Variants in CAMTA1 observed in about 807,000 individuals in gnomAD.
CAMTA1 encodes the protein calmodulin-binding transcription activator 1.
CAMTA1 carries 27 observed loss-of-function variants against 170.9 expected under a neutral mutation model. The observed-to-expected ratio is 0.16, with a 90% confidence interval of 0.12 to 0.22. The LOEUF is 0.22. CAMTA1 is among the 10% of genes least tolerant of loss of function. CAMTA1 has a pLI of 1.00. For synonymous variants in CAMTA1, 833 were observed against 891.5 expected (o/e 0.93, Z 1.17); for missense variants, 1,619 against 2,217.2 (o/e 0.73, Z 5.42).
At chr1:6,812,264 C>G (rs1259955536) in intron 1 of CAMTA1, among the ~76,000 whole-genome samples, 2 of 152,204 alleles carry the variant, frequency 1.3e-5, no homozygotes, top group South Asian at 2.1e-4. Flanking sequence ...GGTTCTAATT[C>G]TGCCCCGTCC....
chr1:7,081,048 G>A (rs1191259828), intron 3 of CAMTA1, among the ~76,000 whole-genome samples: 2 of 152,242 alleles, frequency 1.3e-5, no homozygotes, highest in African/African-American at 4.8e-5. Flanking sequence ...CAAGCTGCCT[G>A]CCAAAGGGCC....
chr1:6,939,928 ATGCTCGCTG>A (rs1312261335), intron 3 of CAMTA1, among the ~76,000 whole-genome samples: 1 of 152,266 alleles, frequency 6.6e-6, no homozygotes, highest in African/African-American at 2.4e-5. Flanking sequence ...GCATGAGCAG[ATGCTCGCTG>A]GATGAATGCA....
chr1:6,959,326 C>A (rs971916430), intron 3 of CAMTA1, among the ~76,000 whole-genome samples: 1 of 152,152 alleles, frequency 6.6e-6, no homozygotes, highest in South Asian at 2.1e-4. Flanking sequence ...GTGGAGGGGT[C>A]CCCCATAGGA....
chr1:7,030,959 C>G (rs575951339), intron 3 of CAMTA1, among the ~76,000 whole-genome samples: 1 of 150,868 alleles, frequency 6.6e-6, no homozygotes, highest in East Asian at 1.9e-4. Flanking sequence ...CTCAGCCTCC[C>G]GAGTAGCTGG....
intron 3 of CAMTA1, among the ~76,000 whole-genome samples, chr1:6,848,732 A>C (rs1659254092): frequency 6.6e-6 from 1 of 152,228 alleles, no homozygotes; most frequent in Non-Finnish European, 1.5e-5. Flanking sequence ...TTAAACTGAC[A>C]GATGATAGAT....
chr1:7,528,178 G>A (rs2094451228), intron 6 of CAMTA1, among the ~76,000 whole-genome samples: 1 of 152,038 alleles, frequency 6.6e-6, no homozygotes, highest in South Asian at 2.1e-4. Flanking sequence ...TTGTTCCTGA[G>A]CTTTTCCACG....
chr1:7,536,173 C>T (rs1253166200), intron 6 of CAMTA1, among the ~76,000 whole-genome samples: 2 of 152,126 alleles, frequency 1.3e-5, no homozygotes, highest in East Asian at 1.9e-4. Context: ...CCCCCGTCAT[C>T]GTGTGTATTA....
rs535257704 is a variant in CAMTA1 at position 7,482,752 on chromosome 1, C to T, written c.510+14851C>T. On this transcript the variant is annotated intron_variant, in intron 6 of 22. Coordinates refer to ENST00000303635, the MANE Select transcript of CAMTA1 (RefSeq NM_015215.4). The surrounding 1 kb of genome is among the most constrained non-coding windows in gnomAD (Gnocchi z 4.2). ...GACCAAGTTCTCAGAAAAACACTGT[C>T]GGTTCCAAAGAAATGAGCTCCCATG... is the stretch of plus-strand genomic sequence containing the variant. Among the ~76,000 whole-genome samples the T allele has an allele frequency of 6.1e-4, 93 of 152,308 alleles. No homozygotes were observed. Among genetic ancestry groups the T allele is most frequent in the African/African-American group, 1.8e-3 (73 of 41,558 alleles).
At chr1:7,613,173 C>T (rs116744621) in intron 6 of CAMTA1, among the ~76,000 whole-genome samples, 1,805 of 152,310 alleles carry the variant, frequency 0.012, 23 homozygotes, top group African/African-American at 0.04. Context: ...ATGGGAACCC[C>T]GGGATGGGAT....
intron 5 of CAMTA1, among the ~76,000 whole-genome samples, chr1:7,322,165 C>A (rs1015001327): frequency 1.3e-5 from 2 of 152,212 alleles, no homozygotes; most frequent in Non-Finnish European, 2.9e-5. Flanking sequence ...TCTGGCATAA[C>A]AAACCTGCGT....
intron 10 of CAMTA1, 79 bp downstream of exon 10, chr1:7,671,116 GAC>G: frequency 6.6e-7 from 1 of 1,518,446 alleles, no homozygotes; most frequent in Admixed American, 1.8e-5. Context: ...GCCTTGGGGT[GAC>G]CTTGAGCAGG....
chr1:7,191,089 TTTTG>T (rs1179852842), intron 4 of CAMTA1, among the ~76,000 whole-genome samples: 1 of 152,200 alleles, frequency 6.6e-6, no homozygotes, highest in East Asian at 1.9e-4. Context: ...GGGTCTCGCA[TTTTG>T]TTTGTTTGGC....
intron 4 of CAMTA1, among the ~76,000 whole-genome samples, chr1:7,160,258 T>C (rs931297148): frequency 3.3e-5 from 5 of 152,084 alleles, no homozygotes; most frequent in African/African-American, 1.2e-4. Flanking sequence ...AAAGCTGTTA[T>C]TATTAATGAC....
intron 21 of CAMTA1, among the ~76,000 whole-genome samples, chr1:7,754,543 GA>G (rs534497625): frequency 9.9e-5 from 15 of 152,188 alleles, no homozygotes; most frequent in Non-Finnish European, 1.8e-4. Flanking sequence ...AAAGTAAGCT[GA>G]ACAAAGGAGT....
intron 5 of CAMTA1, among the ~76,000 whole-genome samples, chr1:7,261,372 T>C (rs1487651995): frequency 6.6e-6 from 1 of 152,226 alleles, no homozygotes; most frequent in Non-Finnish European, 1.5e-5. Context: ...GAGATGCTGG[T>C]AGAGACCAGG....
chr1:7,571,811 G>C (rs1201704465), intron 6 of CAMTA1, among the ~76,000 whole-genome samples: 2 of 152,194 alleles, frequency 1.3e-5, no homozygotes, highest in Non-Finnish European at 2.9e-5. Flanking sequence ...GCATGCGTGT[G>C]TCTTTATGGT....
At chr1:7,670,442 G>A (rs932441995) in intron 9 of CAMTA1, among the ~76,000 whole-genome samples, 2 of 152,176 alleles carry the variant, frequency 1.3e-5, no homozygotes, top group African/African-American at 2.4e-5. Context: ...AAGAACTTCT[G>A]GTCCCTGGGC....
At chr1:7,170,656 A>T (rs758656077) in intron 4 of CAMTA1, among the ~76,000 whole-genome samples, 5 of 152,150 alleles carry the variant, frequency 3.3e-5, no homozygotes, top group Admixed American at 6.5e-5. Context: ...ATTGTTTTAT[A>T]TGGCTGCGTA....
chr1:7,255,379 T>C (rs1211843963), intron 5 of CAMTA1, among the ~76,000 whole-genome samples: 1 of 152,132 alleles, frequency 6.6e-6, no homozygotes, highest in Non-Finnish European at 1.5e-5. Flanking sequence ...TTTTACTCCA[T>C]TACCCTCCAG....
Sources: gnomAD v4.1 joint callset for allele counts (sites outside exome capture counted in the v4.1 genomes callset) on GRCh38, gnomAD v4.1.1 for gene constraint, Gnocchi (gnomAD v3.1) non-coding constraint, MANE v1.5 for transcripts, NCBI Gene and HGNC (gene_info 2026-07-23, HGNC 2026-07-21) for gene names.